Variants in RAB11FIP1 observed in about 807,000 individuals in gnomAD.
RAB11FIP1 encodes the protein rab11 family-interacting protein 1.
In RAB11FIP1, 49 loss-of-function variants were observed where a neutral mutation model predicts 83.1. The ratio of observed to expected loss-of-function variants is 0.59; its 90% CI spans 0.47 to 0.75. The LOEUF (loss-of-function observed/expected upper bound fraction) is 0.75. RAB11FIP1 is among the 30% of genes least tolerant of loss of function. RAB11FIP1 has a pLI of 0.00. For synonymous variants in RAB11FIP1, 670 were observed against 656.0 expected (o/e 1.02, Z -0.33); for missense variants, 1,536 against 1,598.7 (o/e 0.96, Z 0.67).
intron 5 of RAB11FIP1, among the ~76,000 whole-genome samples, chr8:37,865,220 T>C (rs924188189): frequency 6.6e-6 from 1 of 152,184 alleles, no homozygotes; most frequent in African/African-American, 2.4e-5. Context: ...GCATGGAGTT[T>C]GAAAGAGAGA....
At position 37,862,541 on chromosome 8, in the gene RAB11FIP1, C is replaced by A; in HGVS notation, c.*354G>T. 1 of 191,408 alleles carries A rather than the reference C, an allele frequency of 5.2e-6. No individual in the cohort carries two copies. 11.9% of individuals were successfully genotyped at this position (191,408 alleles called of 1,614,324 possible). A position where few individuals can be genotyped will look rare whatever the true frequency, so the allele number is the denominator to read the frequency against. On this transcript the variant is annotated 3_prime_UTR_variant, in exon 6 of 6. Coordinates refer to ENST00000330843, the MANE Select transcript of RAB11FIP1 (RefSeq NM_001002814.3). ...GAGGATACATACTGAAAAAAAATCTCAGTATGAAAGAAAGAAAACCCCAGT... is the reference window on the plus strand; with the variant it reads ...GAGGATACATACTGAAAAAAAATCTAAGTATGAAAGAAAGAAAACCCCAGT...
chr8:37,866,349 A>T (rs1806342197), intron 5 of RAB11FIP1, among the ~76,000 whole-genome samples: 1 of 151,916 alleles, frequency 6.6e-6, no homozygotes, highest in Non-Finnish European at 1.5e-5. Context: ...AAAAAAAAAA[A>T]TTATAAATAA....
chr8:37,875,864 G>A (rs1585435847), intron 2 of RAB11FIP1, among the ~76,000 whole-genome samples: 1 of 152,072 alleles, frequency 6.6e-6, no homozygotes, highest in Non-Finnish European at 1.5e-5. Flanking sequence ...CTAAAAGCTT[G>A]TACTAGTGGA....
At chr8:37,876,325 G>T (rs1216907969) in intron 2 of RAB11FIP1, among the ~76,000 whole-genome samples, 1 of 151,890 alleles carries the variant, frequency 6.6e-6, no homozygotes. Flanking sequence ...CATGGGCAAT[G>T]GTTCACACCG....
At position 37,863,121 on chromosome 8, in the gene RAB11FIP1, G is replaced by T; in HGVS notation, c.3634-8C>A. On this transcript the variant is annotated splice_polypyrimidine_tract_variant and splice_region_variant and intron_variant, in intron 5 of 5. Coordinates refer to ENST00000330843, the MANE Select transcript of RAB11FIP1 (RefSeq NM_001002814.3). Reference sequence around the variant, plus strand: ...GTCCGAGGGGCTGTATTTCTTTGGAGGGGGGGAAATAGTTGGGAAAAAGGA... The same window carrying T: ...GTCCGAGGGGCTGTATTTCTTTGGATGGGGGGAAATAGTTGGGAAAAAGGA... 3 of 1,600,658 alleles carry T rather than the reference G, an allele frequency of 1.9e-6. No homozygotes were observed. The highest frequency in any genetic ancestry group is 2.2e-5 in the East Asian group (1 of 44,744).
chr8:37,869,006 T>C (rs967748041), intron 5 of RAB11FIP1, among the ~76,000 whole-genome samples: 1 of 152,022 alleles, frequency 6.6e-6, no homozygotes, highest in Non-Finnish European at 1.5e-5. Context: ...AGCAGGTGGA[T>C]CACTTGAGCC....
intron 5 of RAB11FIP1, among the ~76,000 whole-genome samples, chr8:37,864,612 T>C (rs1321405846): frequency 2.6e-5 from 4 of 152,084 alleles, no homozygotes; most frequent in Non-Finnish European, 5.9e-5. Context: ...ATCCCAGCCC[T>C]CCCATCCTGG....
Position 37,862,932 on chromosome 8 carries a change from A to C in RAB11FIP1, c.3815T>G (p.Ile1272Ser). ...VMEETPNILRIPTQVGKKAGK... is the reference protein window; with the variant it reads ...VMEETPNILRSPTQVGKKAGK... Reference sequence around the variant, plus strand: ...TGCTTTTTTGCCAACCTGAGTCGGGATGCGGAGGATATTGGGGGTTTCTTC... The same window carrying C: ...TGCTTTTTTGCCAACCTGAGTCGGGCTGCGGAGGATATTGGGGGTTTCTTC... The change falls in exon 6 of 6, where the codon ATC becomes AGC. Residue 1272 changes from isoleucine to serine, a missense_variant. Coordinates refer to ENST00000330843, the MANE Select transcript of RAB11FIP1 (RefSeq NM_001002814.3). 6.2e-7 allele frequency: 1 copy of C among 1,612,970 alleles called. No individual in the cohort carries two copies. Among genetic ancestry groups the C allele is most frequent in the Non-Finnish European group, 8.5e-7 (1 of 1,179,328 alleles).
At chr8:37,896,722 T>G (rs1008009155) in intron 1 of RAB11FIP1, among the ~76,000 whole-genome samples, 1 of 152,186 alleles carries the variant, frequency 6.6e-6, no homozygotes, top group Non-Finnish European at 1.5e-5. Context: ...CTTGGATACA[T>G]TGGCCCCATT....
chr8:37,879,239 C>T (rs1244247076), intron 1 of RAB11FIP1, among the ~76,000 whole-genome samples: 3 of 151,572 alleles, frequency 2.0e-5, no homozygotes, highest in South Asian at 2.1e-4. Flanking sequence ...ACCCGGGAGG[C>T]GGAGGTTGCA....
At chr8:37,886,193 A>T (rs1220037957) in intron 1 of RAB11FIP1, among the ~76,000 whole-genome samples, 1 of 152,206 alleles carries the variant, frequency 6.6e-6, no homozygotes. Flanking sequence ...CTGCAATGGG[A>T]TGGGGAACAG....
intron 1 of RAB11FIP1, among the ~76,000 whole-genome samples, chr8:37,878,632 T>G: frequency 6.7e-6 from 1 of 149,324 alleles, no homozygotes; most frequent in Non-Finnish European, 1.5e-5. Context: ...AAAATCAAGT[T>G]TGTAGTAAGG....
intron 1 of RAB11FIP1, among the ~76,000 whole-genome samples, chr8:37,883,308 C>G (rs1015388310): frequency 6.6e-6 from 1 of 152,106 alleles, no homozygotes; most frequent in Admixed American, 6.6e-5. Flanking sequence ...AACCGATTCT[C>G]CTGCCTCAGC....
At position 37,863,016 on chromosome 8, in the gene RAB11FIP1, T is replaced by C; in HGVS notation, c.3731A>G (p.Lys1244Arg). 1.2e-6 allele frequency: 2 copies of C among 1,613,840 alleles called. No individual in the cohort carries two copies. The highest frequency in any genetic ancestry group is 1.7e-6 in the Non-Finnish European group (2 of 1,180,018). Residue 1244 changes from lysine to arginine, a missense_variant, in exon 6 of 6, where the codon AAG (lysine) becomes AGG (arginine). Physicochemically the swap from Lys to Arg is conservative, Grantham distance 26. Coordinates refer to ENST00000330843, the MANE Select transcript of RAB11FIP1 (RefSeq NM_001002814.3). The part of the protein sequence containing the change: ...VLKQKETISK[K>R]EFQVRELEDY... ...TTCCAGCTCGCGGACCTGGAACTCC[T>C]TCTTGCTTATCGTTTCCTTCTGTTT...
chr8:37,895,306 G>A (rs529789201), intron 1 of RAB11FIP1, among the ~76,000 whole-genome samples: 3 of 83,408 alleles, frequency 3.6e-5, no homozygotes, highest in Non-Finnish European at 6.5e-5. Context: ...TAGAGTTTGG[G>A]TCTCACGTTA....
chr8:37,871,237 C>T (rs750359069), intron 4 of RAB11FIP1, 41 bp downstream of exon 4: 27 of 1,548,206 alleles, frequency 1.7e-5, no homozygotes, highest in Non-Finnish European at 2.2e-5. Context: ...CAAAGGGGGA[C>T]ATTGCTCACA....
Position 37,877,849 on chromosome 8 carries a change from A to T in RAB11FIP1, c.372-298T>A, listed in dbSNP as rs537679056. The stretch of plus-strand genomic sequence containing the variant: ...ATTCTCCTGCCTCAGCCTCCTGAGT[A>T]GCTGAGATTACAGGAGCGCGTGACC... On this transcript the variant is annotated intron_variant, in intron 1 of 5. Transcript: ENST00000330843. 2.8e-5 allele frequency: 7 copies of T among 252,564 alleles called. No homozygotes were observed. In the Admixed American group the frequency reaches 3.7e-4, roughly 13 times the overall value. 15.6% of individuals were successfully genotyped at this position (252,564 alleles called of 1,614,324 possible). A position where few individuals can be genotyped will look rare whatever the true frequency, so the allele number is the denominator to read the frequency against.
intron 1 of RAB11FIP1, among the ~76,000 whole-genome samples, chr8:37,893,362 T>C (rs1339500747): frequency 6.6e-6 from 1 of 152,110 alleles, no homozygotes; most frequent in Non-Finnish European, 1.5e-5. Context: ...TGTTCATTCG[T>C]TTAATGCCTA....
At chr8:37,873,532 G>A (rs1806530918) in intron 3 of RAB11FIP1, among the ~76,000 whole-genome samples, 1 of 152,118 alleles carries the variant, frequency 6.6e-6, no homozygotes, top group African/African-American at 2.4e-5. Context: ...CTTGAACCTG[G>A]GAGGTGGAGG....
Sources: gnomAD v4.1 joint callset for allele counts (sites outside exome capture counted in the v4.1 genomes callset) on GRCh38, gnomAD v4.1.1 for gene constraint, MANE v1.5 for transcripts, NCBI Gene and HGNC (gene_info 2026-07-23, HGNC 2026-07-21) for gene names.